EBF2: variants seen among roughly 807,000 people sequenced by gnomAD.
The protein encoded by EBF2 is transcription factor COE2.
In EBF2, 21 loss-of-function variants were observed where a neutral mutation model predicts 72.8. That is an observed-to-expected ratio of 0.29 (90% CI 0.20 to 0.42). The LOEUF (loss-of-function observed/expected upper bound fraction) is 0.42, where lower values mean the gene tolerates loss of function less well. Ranked by LOEUF, EBF2 falls within the 10% of genes least tolerant of loss-of-function variation. The pLI, the probability that EBF2 is intolerant of heterozygous loss-of-function variation, is 1.00. For missense variants in EBF2, 637 were observed against 731.2 expected (o/e 0.87, Z 1.49); for synonymous variants, 299 against 274.2 (o/e 1.09, Z -0.89).
At chr8:25,972,488 C>T (rs1405198942) in intron 6 of EBF2, among the ~76,000 whole-genome samples, 1 of 152,084 alleles carries the variant, frequency 6.6e-6, no homozygotes, top group African/African-American at 2.4e-5. Context: ...TCTGGATGGG[C>T]AGCGTAGGAT....
chr8:25,870,535 G>A (rs952296187), intron 10 of EBF2, among the ~76,000 whole-genome samples: 1 of 152,162 alleles, frequency 6.6e-6, no homozygotes, highest in South Asian at 2.1e-4. Flanking sequence ...CCTTCCTGCT[G>A]CTCAGAGAGG....
At chr8:26,018,297 TGA>T (rs1438777948) in intron 6 of EBF2, among the ~76,000 whole-genome samples, 1 of 147,164 alleles carries the variant, frequency 6.8e-6, no homozygotes, top group East Asian at 2.0e-4. Context: ...AGACATAAAA[TGA>T]GAGGAAAGGA....
At chr8:26,040,848 G>C in intron 3 of EBF2, 91 bp downstream of exon 3, 1 of 1,573,008 alleles carries the variant, frequency 6.4e-7, no homozygotes, top group Admixed American at 1.7e-5. Flanking sequence ...GGCTCCATGC[G>C]ATCCCTGAGA....
At chr8:25,981,511 A>G (rs549165128) in intron 6 of EBF2, among the ~76,000 whole-genome samples, 1 of 152,230 alleles carries the variant, frequency 6.6e-6, no homozygotes, top group Admixed American at 6.5e-5. Context: ...CCCAGTGTAA[A>G]AACCTGTGGA....
At chr8:26,026,223 C>G (rs550225780) in intron 6 of EBF2, among the ~76,000 whole-genome samples, 1 of 152,186 alleles carries the variant, frequency 6.6e-6, no homozygotes, top group African/African-American at 2.4e-5. Flanking sequence ...TCTGTGGGCT[C>G]TTCACAGTAC....
chr8:25,919,974 A>G (rs760562132), intron 6 of EBF2, among the ~76,000 whole-genome samples: 2 of 152,236 alleles, frequency 1.3e-5, no homozygotes, highest in Non-Finnish European at 2.9e-5. Flanking sequence ...TTATATGCCA[A>G]ACCATAGCTT....
chr8:25,984,653 G>A (rs1804418499), intron 6 of EBF2, among the ~76,000 whole-genome samples: 1 of 151,944 alleles, frequency 6.6e-6, no homozygotes, highest in African/African-American at 2.4e-5. Flanking sequence ...CTGCACTCCA[G>A]CCTGGGCGAC....
intron 7 of EBF2, among the ~76,000 whole-genome samples, chr8:25,903,227 T>C (rs1394437138): frequency 2.1e-5 from 3 of 142,456 alleles, no homozygotes; most frequent in African/African-American, 8.3e-5. Flanking sequence ...GAGAACAAGG[T>C]CTCACTACAT....
intron 5 of EBF2, among the ~76,000 whole-genome samples, chr8:26,038,552 C>T (rs1805543744): frequency 6.6e-6 from 1 of 152,114 alleles, no homozygotes; most frequent in Non-Finnish European, 1.5e-5. Context: ...GTAATCTCTC[C>T]AAACAAAGGC....
At chr8:25,877,109 G>A (rs1194984267) in intron 10 of EBF2, among the ~76,000 whole-genome samples, 1 of 152,134 alleles carries the variant, frequency 6.6e-6, no homozygotes, top group Non-Finnish European at 1.5e-5. Flanking sequence ...TCTGTGGTTG[G>A]TGCAGATTTT....
chr8:25,992,851 CT>C (rs1481357374), intron 6 of EBF2, among the ~76,000 whole-genome samples: 1 of 151,146 alleles, frequency 6.6e-6, no homozygotes, highest in African/African-American at 2.4e-5. Flanking sequence ...TTGCAGTGAG[CT>C]ATCACCCCAC....
At chr8:25,978,908 G>A (rs569081430) in intron 6 of EBF2, among the ~76,000 whole-genome samples, 1 of 152,148 alleles carries the variant, frequency 6.6e-6, no homozygotes, top group Non-Finnish European at 1.5e-5. Flanking sequence ...GACGCTGGGC[G>A]GGGGGCGGAG....
intron 10 of EBF2, among the ~76,000 whole-genome samples, chr8:25,881,284 G>GC (rs1802602065): frequency 6.6e-6 from 1 of 152,192 alleles, no homozygotes; most frequent in Non-Finnish European, 1.5e-5. Flanking sequence ...CACCTTTGCA[G>GC]CTTGAACACA....
intron 6 of EBF2, among the ~76,000 whole-genome samples, chr8:25,926,267 C>T (rs139480618): frequency 6.6e-6 from 1 of 152,112 alleles, no homozygotes; most frequent in Non-Finnish European, 1.5e-5. Context: ...TTCTCTGGCC[C>T]TGAATCCAAG....
rs117241135 is a variant in EBF2 at position 26,013,482 on chromosome 8, G to T, written c.551+19603C>A. Among the ~76,000 whole-genome samples the T allele has an allele frequency of 3.6e-3, 543 of 152,218 alleles. 6 individuals are homozygous for T. The highest frequency in any genetic ancestry group is 3.0e-3 in the Non-Finnish European group (204 of 68,012). On this transcript the variant is annotated intron_variant, in intron 6 of 15. Transcript: ENST00000520164. ...TGTGGAAGCACTTCTGCTATATCAG[G>T]CGGTTCTAATCATCTGTCTTTTCCC...
At chr8:25,980,787 C>CAAAAAA (rs34271943) in intron 6 of EBF2, among the ~76,000 whole-genome samples, 25 of 67,136 alleles carry the variant, frequency 3.7e-4, no homozygotes, top group African/African-American at 1.4e-4. Flanking sequence ...GAGGCCACCA[C>CAAAAAA]AAAAAAAAAA....
intron 6 of EBF2, among the ~76,000 whole-genome samples, chr8:26,002,944 GGGCGGGCA>G (rs1433175551): frequency 1.4e-4 from 2 of 14,116 alleles, no homozygotes; most frequent in African/African-American, 2.1e-4. Flanking sequence ...GCAGGCAGGC[GGGCGGGCA>G]GGCAGGCAGG....
intron 6 of EBF2, among the ~76,000 whole-genome samples, chr8:25,964,420 C>T (rs1236118917): frequency 6.6e-6 from 1 of 152,056 alleles, no homozygotes; most frequent in African/African-American, 2.4e-5. Flanking sequence ...GATGTGAAAA[C>T]AGACCTGGAA....
intron 7 of EBF2, 36 bp from the exon 8 acceptor site, chr8:25,889,905 A>G: frequency 6.4e-7 from 1 of 1,568,106 alleles, no homozygotes; most frequent in Non-Finnish European, 8.8e-7. Flanking sequence ...AAGGGGGTGC[A>G]GTGGAATTAG....
Sources: allele counts gnomAD v4.1 joint callset (sites outside exome capture counted in the v4.1 genomes callset), GRCh38; gene constraint gnomAD v4.1.1; transcripts MANE v1.5; gene names NCBI Gene and HGNC (gene_info 2026-07-23, HGNC 2026-07-21).